The following MGA variants were observed in gnomAD, a reference collection of about 807,000 sequenced individuals.
MGA encodes MAX gene-associated protein.
In MGA, 40 loss-of-function variants were observed where a neutral mutation model predicts 261.1. The observed-to-expected ratio is 0.15, with a 90% CI of 0.12 to 0.20. The LOEUF (loss-of-function observed/expected upper bound fraction) is 0.20, where lower values mean the gene tolerates loss of function less well. Among genes scored for constraint, MGA ranks in the 10% least tolerant of loss-of-function variants. The pLI is 1.00. For missense variants in MGA, 3,397 were observed against 3,630.5 expected (o/e 0.94, Z 1.65); for synonymous variants, 1,302 against 1,290.6 (o/e 1.01, Z -0.19).
intron 2 of MGA, among the ~76,000 whole-genome samples, chr15:41,681,576 G>A (rs537686319): frequency 1.3e-5 from 2 of 151,812 alleles, no homozygotes; most frequent in Non-Finnish European, 2.9e-5. Context: ...TCAGCCTCCC[G>A]AGTAGCTGAG....
At chr15:41,698,819 A>G (rs1595769176) in intron 3 of MGA, 44 bp from the exon 4 acceptor site, 1 of 1,416,812 alleles carries the variant, frequency 7.1e-7, no homozygotes. Flanking sequence ...TTAAGTTTTC[A>G]GAAGCAATAT....
intron 9 of MGA, among the ~76,000 whole-genome samples, chr15:41,724,375 T>TA (rs1236216816): frequency 6.6e-6 from 1 of 152,202 alleles, no homozygotes; most frequent in Non-Finnish European, 1.5e-5. Context: ...TGTCTCATCT[T>TA]ACTTCCCCCC....
chr15:41,673,967 C>A (rs1023966480), intron 2 of MGA, among the ~76,000 whole-genome samples: 1 of 151,792 alleles, frequency 6.6e-6, no homozygotes, highest in Non-Finnish European at 1.5e-5. Flanking sequence ...TCTCGACTCA[C>A]GGAAACCTCC....
rs777347948 is a variant in MGA at position 41,765,995 on chromosome 15, G to T, written c.7922-9G>T. 10 of 1,592,544 alleles carry T rather than the reference G, an allele frequency of 6.3e-6. No homozygotes were observed. The Admixed American group carries it at 1.1e-4, about 18-fold the overall frequency. On this transcript the variant is annotated splice_polypyrimidine_tract_variant and intron_variant, in intron 23 of 23. Transcript: ENST00000219905. The stretch of plus-strand genomic sequence containing the variant: ...ATGAATTTTTCTTTTTTTAATTTTT[G>T]TTTTTCAGAAAATGACGACTTATTT...
chr15:41,631,069 A>G (rs568539048), intron 1 of MGA, among the ~76,000 whole-genome samples: 12 of 152,328 alleles, frequency 7.9e-5, no homozygotes, highest in African/African-American at 2.9e-4. Flanking sequence ...GGCCTTGACA[A>G]TTTAATTGAG....
intron 1 of MGA, among the ~76,000 whole-genome samples, chr15:41,642,290 T>TA (rs1005246096): frequency 6.6e-6 from 1 of 151,846 alleles, no homozygotes; most frequent in Non-Finnish European, 1.5e-5. Context: ...TTTTTAATTT[T>TA]AATTGAATTT....
chr15:41,645,744 A>G (rs1055851160), intron 1 of MGA, among the ~76,000 whole-genome samples: 5 of 152,224 alleles, frequency 3.3e-5, no homozygotes, highest in Non-Finnish European at 1.5e-5. Context: ...GCAAGTATAA[A>G]ATGCTGAACT....
Position 41,736,538 on chromosome 15 carries a change from A to T in MGA, c.4274A>T (p.Lys1425Ile). 6.2e-7 allele frequency: 1 copy of T among 1,614,034 alleles called. No individual in the cohort carries two copies. Among genetic ancestry groups the T allele is most frequent in the Non-Finnish European group, 8.5e-7 (1 of 1,179,884 alleles). The change falls in exon 13 of 24, where the codon AAA (lysine) becomes ATA (isoleucine). Residue 1425 changes from lysine to isoleucine, a missense_variant. Physicochemically the swap from Lys to Ile is moderately radical, Grantham distance 102. This residue lies in a region of MGA where 1,410 missense variants were observed against 1,386.4 expected (regional missense o/e 1.02). Coordinates refer to ENST00000219905, the MANE Select transcript of MGA (RefSeq NM_001164273.2). ...CCTGATGGTCCATTGTCCCCTGGGAAAATGGAGGATATCTCTCCTGTGCAG... is the reference window on the plus strand; with the variant it reads ...CCTGATGGTCCATTGTCCCCTGGGATAATGGAGGATATCTCTCCTGTGCAG...
At position 41,769,144 on chromosome 15, in the gene MGA, T is replaced by C. The variant is rs1027387570; in HGVS notation, c.*1864T>C. On this transcript the variant is annotated 3_prime_UTR_variant, in exon 24 of 24. Coordinates refer to ENST00000219905, the MANE Select transcript of MGA (RefSeq NM_001164273.2). Reference sequence around the variant, plus strand: ...AGAGATGCTAGTACTTTAATCCAGGTATAGCAGTTTCCCGTTATTTTCTTG... The same window carrying C: ...AGAGATGCTAGTACTTTAATCCAGGCATAGCAGTTTCCCGTTATTTTCTTG... 1 of 152,628 alleles carries C rather than the reference T, an allele frequency of 6.6e-6. No individual in the cohort carries two copies. The highest frequency in any genetic ancestry group is 1.5e-5 in the Non-Finnish European group (1 of 68,064). The allele number at this position is 152,628 out of a possible 1,614,324, so 9.5% of individuals were successfully genotyped here.
chr15:41,715,678 A>G (rs2151531026), intron 9 of MGA, among the ~76,000 whole-genome samples: 1 of 152,314 alleles, frequency 6.6e-6, no homozygotes, highest in African/African-American at 2.4e-5. Flanking sequence ...AAATATATTA[A>G]TGACTGGATC....
chr15:41,745,797 G>A (rs2062430605), intron 15 of MGA, among the ~76,000 whole-genome samples: 2 of 152,060 alleles, frequency 1.3e-5, no homozygotes, highest in Non-Finnish European at 2.9e-5. Context: ...GTAGAGGCGA[G>A]GTCTCGCTGT....
rs560980476 is a variant in MGA at position 41,664,543 on chromosome 15, AT to A, written c.-68+4026del. 3.9e-3 allele frequency among the ~76,000 whole-genome samples: 591 copies of A among 152,136 alleles called. 3 individuals carry two copies. Among genetic ancestry groups the A allele is most frequent in the African/African-American group, 0.014 (569 of 41,516 alleles). On this transcript the variant is annotated intron_variant, in intron 1 of 23. Coordinates refer to ENST00000219905, the MANE Select transcript of MGA (RefSeq NM_001164273.2). Reference sequence around the variant, plus strand: ...TAATTTATAGGTTTGGGATAACTAGATTTTTTTTCATATACTTCTTTGCTGC... The same window carrying A: ...TAATTTATAGGTTTGGGATAACTAGATTTTTTTCATATACTTCTTTGCTGC...
intron 1 of MGA, among the ~76,000 whole-genome samples, chr15:41,624,324 T>A (rs1478622878): frequency 2.6e-5 from 4 of 152,106 alleles, no homozygotes; most frequent in African/African-American, 9.7e-5. Flanking sequence ...CTCAGCTCAC[T>A]GCAACTTCCG....
chr15:41,722,502 G>GTGCA (rs2061002552), intron 9 of MGA, among the ~76,000 whole-genome samples: 1 of 152,126 alleles, frequency 6.6e-6, no homozygotes, highest in Non-Finnish European at 1.5e-5. Context: ...CAAAGAGGTA[G>GTGCA]CTATCATTTA....
intron 1 of MGA, chr15:41,621,399 C>G (rs2056276352): frequency 6.6e-6 from 1 of 152,318 alleles, no homozygotes; most frequent in Non-Finnish European, 1.5e-5. Context: ...TAACTACCCT[C>G]CCTCTCCGCG....
chr15:41,661,351 C>T (rs543611568), intron 1 of MGA, among the ~76,000 whole-genome samples: 1 of 150,918 alleles, frequency 6.6e-6, no homozygotes, highest in Non-Finnish European at 1.5e-5. Flanking sequence ...CACCGCCCCC[C>T]CAAAGCTCCA....
At chr15:41,709,302 CACACCACTGCACT>C (rs2060267184) in intron 7 of MGA, among the ~76,000 whole-genome samples, 1 of 152,034 alleles carries the variant, frequency 6.6e-6, no homozygotes, top group Non-Finnish European at 1.5e-5. Flanking sequence ...GAGCCAAGAT[CACACCACTGCACT>C]CCAGCCGGAG....
At chr15:41,734,444 T>A in intron 11 of MGA, 78 bp from the exon 12 acceptor site, 1 of 1,132,640 alleles carries the variant, frequency 8.8e-7, no homozygotes, top group Non-Finnish European at 1.3e-6. Context: ...TGTGAGAGAT[T>A]TAATGCTTGT....
intron 19 of MGA, 124 bp downstream of exon 19, chr15:41,757,963 T>C (rs1039560053): frequency 1.4e-6 from 1 of 708,534 alleles, no homozygotes; most frequent in South Asian, 2.0e-5. Context: ...TGCCAGTGAG[T>C]TAATATAATC....
Sources: gnomAD v4.1 joint callset for allele counts (sites outside exome capture counted in the v4.1 genomes callset) on GRCh38, gnomAD v4.1.1 for gene constraint, gnomAD v4.1.1 regional missense constraint, MANE v1.5 for transcripts, NCBI Gene and HGNC (gene_info 2026-07-23, HGNC 2026-07-21) for gene names.